POLR1D: variants seen among roughly 807,000 people sequenced by gnomAD.
POLR1D encodes DNA-directed RNA polymerases I and III subunit RPAC2.
POLR1D carries 8 observed loss-of-function variants against 10.8 expected under a neutral mutation model. The ratio of observed to expected loss-of-function variants is 0.74; its 90% CI spans 0.43 to 1.33. The LOEUF is 1.33. POLR1D is among the 40% of genes most tolerant of loss of function. The probability of loss-of-function intolerance (pLI) is 0.01; values close to 1 mark genes in which losing one functional copy is unlikely to be tolerated. For missense variants in POLR1D, 152 were observed against 161.7 expected, an observed-to-expected ratio of 0.94 and a Z score of 0.32; for synonymous variants, 54 against 57.2, an observed-to-expected ratio of 0.94 and a Z score of 0.25.
chr13:27,630,795 A>G (rs2138531398), intron 1 of POLR1D, among the ~76,000 whole-genome samples: 1 of 152,302 alleles, frequency 6.6e-6, no homozygotes. Flanking sequence ...TGGGAGTTAA[A>G]CTTATGGTCT....
chr13:27,651,807 G>A (rs1023111180), intron 2 of POLR1D, among the ~76,000 whole-genome samples: 1 of 152,126 alleles, frequency 6.6e-6, no homozygotes, highest in African/African-American at 2.4e-5. Flanking sequence ...AAAAAAATAA[G>A]AATGCCAGCA....
intron 1 of POLR1D, chr13:27,648,355 A>C (rs1956237990): frequency 6.6e-7 from 1 of 1,512,644 alleles, no homozygotes; most frequent in Non-Finnish European, 9.2e-7. Flanking sequence ...ACTGCCTCTC[A>C]AATCTTTTCC....
intron 1 of POLR1D, among the ~76,000 whole-genome samples, chr13:27,635,492 G>A (rs1655542395): frequency 6.6e-6 from 1 of 151,794 alleles, no homozygotes; most frequent in Admixed American, 6.6e-5. Flanking sequence ...ACAATAAAAG[G>A]GAAACAGGAA....
chr13:27,621,820 G>A (rs2138514138), upstream of POLR1D: 2 of 664,564 alleles, frequency 3.0e-6, no homozygotes, highest in East Asian at 3.0e-5. Flanking sequence ...GCCCCGCCCC[G>A]CGGCTGGGCC....
intron 2 of POLR1D, among the ~76,000 whole-genome samples, chr13:27,661,518 G>A (rs1282148741): frequency 6.6e-6 from 1 of 151,776 alleles, no homozygotes; most frequent in Non-Finnish European, 1.5e-5. Flanking sequence ...ACACCTTTTG[G>A]GCATAGACAG....
chr13:27,646,551 A>G (rs1353486743), intron 1 of POLR1D, among the ~76,000 whole-genome samples: 1 of 152,228 alleles, frequency 6.6e-6, no homozygotes, highest in East Asian at 1.9e-4. Flanking sequence ...CAAGCGCTTT[A>G]GTTTTTCATT....
chr13:27,661,759 G>A (rs571786), intron 2 of POLR1D, among the ~76,000 whole-genome samples: 45,430 of 152,138 alleles, frequency 0.3, 7,983 homozygotes, highest in Admixed American at 0.43. Context: ...TTTCTAAAGA[G>A]TTAATGTACA....
downstream of POLR1D, among the ~76,000 whole-genome samples, chr13:27,627,356 A>G (rs1593278105): frequency 1.3e-5 from 2 of 151,882 alleles, no homozygotes; most frequent in East Asian, 3.9e-4. Context: ...ACTATACAGT[A>G]AGTATGTACC....
At chr13:27,648,607 C>T (rs2138555891) in intron 2 of POLR1D, among the ~76,000 whole-genome samples, 1 of 152,262 alleles carries the variant, frequency 6.6e-6, no homozygotes, top group South Asian at 2.1e-4. Context: ...CTGCTGAGAA[C>T]TGAATGTTGA....
chr13:27,621,850 C>G, upstream of POLR1D: 1 of 911,202 alleles, frequency 1.1e-6, no homozygotes, highest in Non-Finnish European at 1.8e-6. Context: ...CGCTGCGGCT[C>G]CTCCTCCCTC....
chr13:27,660,745 CT>C (rs1358253878), intron 2 of POLR1D: 1 of 152,342 alleles, frequency 6.6e-6, no homozygotes, highest in African/African-American at 2.4e-5. Flanking sequence ...TGCAGTGAGT[CT>C]TTCTCTGCTC....
intron 1 of POLR1D, among the ~76,000 whole-genome samples, chr13:27,631,456 G>T (rs1348600614): frequency 6.6e-6 from 1 of 152,160 alleles, no homozygotes; most frequent in Admixed American, 6.5e-5. Flanking sequence ...GCCCACACTT[G>T]AGAGCGAGTA....
chr13:27,633,893 A>G (rs1956097701), intron 1 of POLR1D, among the ~76,000 whole-genome samples: 1 of 152,230 alleles, frequency 6.6e-6, no homozygotes, highest in African/African-American at 2.4e-5. Flanking sequence ...TCCAAAAGTG[A>G]TTAAAATTGG....
At chr13:27,665,805 A>C in exon 3 of POLR1D, 1 of 1,614,240 alleles carries the variant, frequency 6.2e-7, no homozygotes, top group Non-Finnish European at 8.5e-7. Flanking sequence ...GAACCAGCGA[A>C]GAGCCAGGCC....
intron 1 of POLR1D, 156 bp from the exon 2 acceptor site, chr13:27,622,719 A>G: frequency 1.6e-6 from 1 of 614,466 alleles, no homozygotes. Context: ...ATTTATTGAT[A>G]GAGTTTGTGG....
At chr13:27,635,898 C>A (rs1397937179) in intron 1 of POLR1D, among the ~76,000 whole-genome samples, 2 of 151,962 alleles carry the variant, frequency 1.3e-5, no homozygotes, top group Admixed American at 6.6e-5. Flanking sequence ...ATTGTGGCTG[C>A]TTTCTTATTC....
intron 1 of POLR1D, among the ~76,000 whole-genome samples, chr13:27,641,011 C>CTAAGTAAATAT: frequency 6.6e-6 from 1 of 152,086 alleles, no homozygotes; most frequent in South Asian, 2.1e-4. Context: ...AGCTCTTATT[C>CTAAGTAAATAT]CGTATTGGTT....
At chr13:27,622,727 T>C in intron 1 of POLR1D, 148 bp from the exon 2 acceptor site, 1 of 626,642 alleles carries the variant, frequency 1.6e-6, no homozygotes, top group Non-Finnish European at 2.9e-6. Flanking sequence ...ATAGAGTTTG[T>C]GGAGGCAGGA....
At chr13:27,629,555 T>G (rs1194816897) in intron 1 of POLR1D, among the ~76,000 whole-genome samples, 1 of 152,230 alleles carries the variant, frequency 6.6e-6, no homozygotes, top group Non-Finnish European at 1.5e-5. Context: ...CCTGTGTATT[T>G]TTTTGTTTTC....
Sources: gnomAD v4.1 joint callset for allele counts (sites outside exome capture counted in the v4.1 genomes callset) on GRCh38, gnomAD v4.1.1 for gene constraint, MANE v1.5 for transcripts, NCBI Gene and HGNC (gene_info 2026-07-23, HGNC 2026-07-21) for gene names.